Variants in CCND3 observed in about 807,000 individuals in gnomAD.
The protein encoded by CCND3 is cyclin D3.
Under a neutral mutation model 28.7 loss-of-function variants are expected in CCND3, and 9 were observed. The ratio of observed to expected loss-of-function variants is 0.31; its 90% CI spans 0.19 to 0.55. CCND3 has a LOEUF of 0.55. Among genes scored for constraint, CCND3 ranks in the 20% least tolerant of loss-of-function variants. CCND3 has a pLI of 0.93. For missense variants in CCND3, 315 were observed against 385.8 expected, an observed-to-expected ratio of 0.82 and a Z score of 1.54; for synonymous variants, 164 against 163.9, an observed-to-expected ratio of 1.00 and a Z score of 0.00.
upstream of CCND3, among the ~76,000 whole-genome samples, chr6:41,945,265 G>A (rs902750016): frequency 6.6e-6 from 1 of 152,188 alleles, no homozygotes; most frequent in Non-Finnish European, 1.5e-5. Flanking sequence ...TGTAATCCCA[G>A]CACTTTGGGA....
chr6:41,947,560 C>A (rs151107576), intron 1 of CCND3, among the ~76,000 whole-genome samples: 5 of 152,226 alleles, frequency 3.3e-5, no homozygotes, highest in African/African-American at 1.2e-4. Context: ...AATCCCCACA[C>A]TCTGATCAGC....
intron 1 of CCND3, among the ~76,000 whole-genome samples, chr6:41,984,449 T>G (rs950736244): frequency 1.3e-5 from 2 of 152,028 alleles, no homozygotes; most frequent in Non-Finnish European, 2.9e-5. Flanking sequence ...CAGGTTCAAG[T>G]GATTCTCCTC....
At chr6:41,954,334 C>G (rs929503193) in intron 1 of CCND3, among the ~76,000 whole-genome samples, 4 of 140,924 alleles carry the variant, frequency 2.8e-5, no homozygotes, top group Non-Finnish European at 4.6e-5. Context: ...AGGCGAATCA[C>G]GAGGTCAGGA....
At chr6:42,008,433 T>C (rs1171141472) in intron 1 of CCND3, among the ~76,000 whole-genome samples, 1 of 152,156 alleles carries the variant, frequency 6.6e-6, no homozygotes, top group South Asian at 2.1e-4. Context: ...GTCCAGAGTG[T>C]GTATGTATAA....
At chr6:41,969,157 G>T (rs1484417021) in intron 1 of CCND3, among the ~76,000 whole-genome samples, 1 of 152,084 alleles carries the variant, frequency 6.6e-6, no homozygotes, top group Non-Finnish European at 1.5e-5. Flanking sequence ...CATAAAACTA[G>T]AATCTTCACG....
intron 1 of CCND3, among the ~76,000 whole-genome samples, chr6:42,023,680 C>G (rs554430849): frequency 6.9e-6 from 1 of 145,938 alleles, no homozygotes; most frequent in Admixed American, 7.1e-5. Flanking sequence ...GAATGCCAGT[C>G]TGTATCTACT....
intron 1 of CCND3, among the ~76,000 whole-genome samples, chr6:42,018,231 C>T (rs1763584766): frequency 6.6e-6 from 1 of 151,816 alleles, no homozygotes; most frequent in African/African-American, 2.4e-5. Flanking sequence ...CTTGCTCTGT[C>T]ACCCAGGCTG....
At chr6:42,047,583 G>A (rs1314455914) in intron 1 of CCND3, among the ~76,000 whole-genome samples, 1 of 152,168 alleles carries the variant, frequency 6.6e-6, no homozygotes, top group Non-Finnish European at 1.5e-5. Context: ...GACCCTCCCA[G>A]CTGTACCCAG....
Position 41,936,077 on chromosome 6 carries a change from C to T in CCND3, c.742G>A (p.Glu248Lys). The part of the protein sequence containing the change: ...DCLRACQEQI[E>K]AALRESLREA... ...CTGAGGCTCTCCCTGAGTGCAGCTTCGATCTGCTCCTGACAGGCCCGCAGG... is the reference window on the plus strand; with the variant it reads ...CTGAGGCTCTCCCTGAGTGCAGCTTTGATCTGCTCCTGACAGGCCCGCAGG... The change falls in exon 5 of 5, where the codon GAA becomes AAA. Residue 248 changes from glutamate to lysine, a missense_variant. Transcript: ENST00000372991. This position sits in a 1 kb window ranked among gnomAD's most constrained non-coding sequence, Gnocchi z 4.4. 3 of 1,608,168 alleles carry T rather than the reference C, an allele frequency of 1.9e-6. No homozygotes were observed. The highest frequency in any genetic ancestry group is 2.5e-6 in the Non-Finnish European group (3 of 1,176,782).
At chr6:41,942,040 C>A (rs146664255), upstream of CCND3, among the ~76,000 whole-genome samples, 1 of 152,312 alleles carries the variant, frequency 6.6e-6, no homozygotes, top group Non-Finnish European at 1.5e-5. Context: ...CCTACCCACC[C>A]ACGGGCCCTC....
At chr6:42,006,225 AACTC>A (rs1041603947) in intron 1 of CCND3, among the ~76,000 whole-genome samples, 3 of 151,808 alleles carry the variant, frequency 2.0e-5, no homozygotes, top group Non-Finnish European at 2.9e-5. Flanking sequence ...GAAAAACAAA[AACTC>A]ACATCATCTC....
At chr6:42,045,214 C>G (rs1764507005) in intron 1 of CCND3, among the ~76,000 whole-genome samples, 2 of 152,088 alleles carry the variant, frequency 1.3e-5, no homozygotes, top group East Asian at 3.9e-4. Context: ...GCCTCCCTGT[C>G]TCAGTGTTTG....
upstream of CCND3, among the ~76,000 whole-genome samples, chr6:41,942,339 C>T (rs1007774890): frequency 6.6e-6 from 1 of 152,162 alleles, no homozygotes; most frequent in African/African-American, 2.4e-5. Flanking sequence ...TGTTCTACAC[C>T]ATTGCTAGTT....
intron 1 of CCND3, among the ~76,000 whole-genome samples, chr6:41,959,843 C>A (rs1761662852): frequency 1.3e-5 from 2 of 151,424 alleles, no homozygotes; most frequent in African/African-American, 4.9e-5. Flanking sequence ...GTAGTCCCAG[C>A]TGCTTGGGAG....
chr6:41,959,519 C>T (rs947091053), intron 1 of CCND3, among the ~76,000 whole-genome samples: 1 of 151,778 alleles, frequency 6.6e-6, no homozygotes, highest in Non-Finnish European at 1.5e-5. Flanking sequence ...CCCGTCTCTA[C>T]TAAAAATACA....
intron 1 of CCND3, among the ~76,000 whole-genome samples, chr6:41,972,586 C>T (rs945822454): frequency 6.6e-6 from 1 of 152,104 alleles, no homozygotes; most frequent in Non-Finnish European, 1.5e-5. Context: ...TAAAGGTTCC[C>T]ATCACCTAAA....
intron 1 of CCND3, among the ~76,000 whole-genome samples, chr6:41,986,896 A>G (rs1762494287): frequency 6.6e-6 from 1 of 152,074 alleles, no homozygotes; most frequent in Admixed American, 6.6e-5. Context: ...CATAAGAATC[A>G]GGCCCATACT....
intron 1 of CCND3, chr6:41,940,791 C>T (rs1486688938): frequency 1.0e-5 from 9 of 872,688 alleles, no homozygotes; most frequent in South Asian, 9.6e-5. Context: ...CCTCCCCTCT[C>T]CCCTTGACGG....
intron 1 of CCND3, among the ~76,000 whole-genome samples, chr6:42,009,790 G>A (rs1353490635): frequency 2.0e-5 from 3 of 152,138 alleles, no homozygotes; most frequent in Non-Finnish European, 4.4e-5. Flanking sequence ...CTAGGTGATA[G>A]AGCGAGACCC....
Sources: gnomAD v4.1 joint callset for allele counts (sites outside exome capture counted in the v4.1 genomes callset) on GRCh38, gnomAD v4.1.1 for gene constraint, Gnocchi (gnomAD v3.1) non-coding constraint, MANE v1.5 for transcripts, NCBI Gene and HGNC (gene_info 2026-07-23, HGNC 2026-07-21) for gene names.